Variants in GLP2R observed in about 807,000 individuals in gnomAD.
GLP2R encodes glucagon like peptide 2 receptor, also known as glucagon-like peptide 2 receptor.
GLP2R carries 59 observed loss-of-function variants against 68.2 expected under a neutral mutation model. The ratio of observed to expected loss-of-function variants is 0.87; its 90% confidence interval spans 0.70 to 1.07. GLP2R has a LOEUF of 1.07. Ranked by LOEUF, GLP2R falls within the 50% of genes least tolerant of loss-of-function variation. GLP2R has a pLI of 0.00. For missense variants in GLP2R, 548 were observed against 677.4 expected, an observed-to-expected ratio of 0.81 and a Z score of 2.12; for synonymous variants, 270 against 265.4, an observed-to-expected ratio of 1.02 and a Z score of -0.17.
chr17:9,843,912 C>T (rs1446881168), intron 4 of GLP2R, among the ~76,000 whole-genome samples: 2 of 52,756 alleles, frequency 3.8e-5, no homozygotes. Context: ...CTCCAGGGAG[C>T]TCAGAGTCTT....
At chr17:9,865,316 G>T (rs3786117) in intron 9 of GLP2R, among the ~76,000 whole-genome samples, 2,367 of 49,186 alleles carry the variant, frequency 0.048, 37 homozygotes, top group Middle Eastern at 0.12. Flanking sequence ...TTGTGATTTT[G>T]TGTGTGTGTG....
chr17:9,837,701 C>G (rs1217586446), intron 3 of GLP2R, among the ~76,000 whole-genome samples: 1 of 151,412 alleles, frequency 6.6e-6, no homozygotes, highest in Non-Finnish European at 1.5e-5. Flanking sequence ...CCCAGAAGCC[C>G]AACCTCTTGG....
intron 9 of GLP2R, among the ~76,000 whole-genome samples, chr17:9,864,302 C>T (rs1192430383): frequency 6.6e-6 from 1 of 152,130 alleles, no homozygotes; most frequent in Non-Finnish European, 1.5e-5. Flanking sequence ...CTACTGAATC[C>T]GAGTCTGCAT....
intron 10 of GLP2R, among the ~76,000 whole-genome samples, chr17:9,876,172 CG>C (rs1275207189): frequency 6.6e-6 from 1 of 152,160 alleles, no homozygotes; most frequent in African/African-American, 2.4e-5. Flanking sequence ...CCACTGCGCC[CG>C]GCCCGACAAG....
intron 4 of GLP2R, among the ~76,000 whole-genome samples, chr17:9,851,425 TTTGACAATAAGAG>T (rs2066890569): frequency 6.6e-6 from 1 of 152,070 alleles, no homozygotes; most frequent in African/African-American, 2.4e-5. Flanking sequence ...CCACAAGTAC[TTTGACAATAAGAG>T]TTGACAATAA....
At chr17:9,849,607 C>CTTTTTT (rs57795068) in intron 4 of GLP2R, among the ~76,000 whole-genome samples, 567 of 87,084 alleles carry the variant, frequency 6.5e-3, no homozygotes, top group African/African-American at 7.3e-3. Flanking sequence ...TTTTCTCTTT[C>CTTTTTT]TTTTTTTTTT....
chr17:9,881,337 G>C (rs2067193741), intron 11 of GLP2R, among the ~76,000 whole-genome samples: 1 of 148,064 alleles, frequency 6.8e-6, no homozygotes, highest in African/African-American at 2.5e-5. Flanking sequence ...GGATAGGGCA[G>C]TTCAGGGCTC....
intron 10 of GLP2R, among the ~76,000 whole-genome samples, chr17:9,878,070 G>T (rs953009815): frequency 6.6e-6 from 1 of 152,164 alleles, no homozygotes; most frequent in Non-Finnish European, 1.5e-5. Context: ...ATATAAGTCT[G>T]TATCTTGAAA....
intron 10 of GLP2R, among the ~76,000 whole-genome samples, chr17:9,876,955 T>A (rs2067146864): frequency 6.6e-6 from 1 of 152,256 alleles, no homozygotes; most frequent in Non-Finnish European, 1.5e-5. Context: ...TTAATCCTTG[T>A]GACAGCCCTG....
intron 2 of GLP2R, 139 bp from the exon 3 acceptor site, chr17:9,836,232 G>T: frequency 1.6e-6 from 1 of 637,600 alleles, no homozygotes; most frequent in East Asian, 2.7e-5. Context: ...CTAGAGAGTG[G>T]GGCACCCATG....
At chr17:9,835,617 C>T (rs1457433808) in intron 2 of GLP2R, among the ~76,000 whole-genome samples, 5 of 152,272 alleles carry the variant, frequency 3.3e-5, no homozygotes, top group East Asian at 3.9e-4. Context: ...TCGTTTTGTA[C>T]ATTCACAGAG....
At chr17:9,869,645 T>C (rs1368825294) in intron 9 of GLP2R, among the ~76,000 whole-genome samples, 1 of 152,138 alleles carries the variant, frequency 6.6e-6, no homozygotes, top group African/African-American at 2.4e-5. Context: ...GCCTGAGAAC[T>C]CAGTTACCCC....
chr17:9,859,101 G>T (rs139642836), intron 6 of GLP2R, among the ~76,000 whole-genome samples: 1 of 151,726 alleles, frequency 6.6e-6, no homozygotes, highest in Non-Finnish European at 1.5e-5. Flanking sequence ...TGCACTTAAG[G>T]CTATACGTTT....
chr17:9,872,468 T>C (rs2067104012), intron 10 of GLP2R, among the ~76,000 whole-genome samples: 2 of 152,136 alleles, frequency 1.3e-5, no homozygotes, highest in African/African-American at 4.8e-5. Flanking sequence ...TCCCAGCTAC[T>C]CAGGAGGCTG....
intron 10 of GLP2R, among the ~76,000 whole-genome samples, chr17:9,876,487 A>G (rs1396749920): frequency 6.6e-6 from 1 of 152,200 alleles, no homozygotes; most frequent in Admixed American, 6.5e-5. Flanking sequence ...TAATGGTTAT[A>G]AACTGGGGGA....
At chr17:9,880,339 A>T (rs770585324) in intron 10 of GLP2R, 39 bp from the exon 11 acceptor site, 6 of 1,425,030 alleles carry the variant, frequency 4.2e-6, no homozygotes, top group Non-Finnish European at 5.8e-6. Context: ...CTTGTTCCCC[A>T]TGTGGCCCTC....
intron 11 of GLP2R, among the ~76,000 whole-genome samples, chr17:9,885,681 GCC>G (rs1457605235): frequency 6.6e-6 from 1 of 151,958 alleles, no homozygotes; most frequent in East Asian, 1.9e-4. Context: ...GAAACTTCCA[GCC>G]CTCTTAAGTC....
At chr17:9,881,292 C>T (rs375438779) in intron 11 of GLP2R, among the ~76,000 whole-genome samples, 2 of 148,478 alleles carry the variant, frequency 1.3e-5, no homozygotes, top group Non-Finnish European at 3.0e-5. Flanking sequence ...ATTCCTTAGG[C>T]GTTCCATGTG....
intron 12 of GLP2R, among the ~76,000 whole-genome samples, chr17:9,888,456 AT>A (rs1018114252): frequency 6.6e-6 from 1 of 152,110 alleles, no homozygotes; most frequent in Non-Finnish European, 1.5e-5. Context: ...CTATGATTAC[AT>A]TTTTTTAAAA....
Sources: allele counts gnomAD v4.1 joint callset (sites outside exome capture counted in the v4.1 genomes callset), GRCh38; gene constraint gnomAD v4.1.1; transcripts MANE v1.5; gene names NCBI Gene and HGNC (gene_info 2026-07-23, HGNC 2026-07-21).